DACT2: variants seen among roughly 807,000 people sequenced by gnomAD.
The protein encoded by DACT2 is dapper homolog 2.
A neutral mutation model predicts 22.2 loss-of-function variants in DACT2; 20 were observed. That is an observed-to-expected ratio of 0.90 (90% confidence interval 0.63 to 1.31). The LOEUF (loss-of-function observed/expected upper bound fraction) is 1.31, where lower values mean the gene tolerates loss of function less well. Among genes scored for constraint, DACT2 ranks in the 50% most tolerant of loss-of-function variants. The pLI, the probability that DACT2 is intolerant of heterozygous loss-of-function variation, is 0.00. For missense variants in DACT2, 1,048 were observed against 1,061.4 expected (o/e 0.99, Z 0.18); for synonymous variants, 463 against 479.8 (o/e 0.96, Z 0.46).
downstream of DACT2, among the ~76,000 whole-genome samples, chr6:168,304,862 G>A (rs980389043): frequency 1.3e-5 from 2 of 152,226 alleles, no homozygotes; most frequent in African/African-American, 4.8e-5. Context: ...GAGGCAAGGA[G>A]CCAGGGTGCC....
chr6:168,310,181 C>A lies in DACT2; in HGVS notation c.645G>T (p.Arg215Ser), dbSNP rs1278721893. The change falls in exon 3 of 4, where the codon AGG becomes AGT. Residue 215 changes from arginine to serine, a missense_variant. Arg to Ser is a moderately radical substitution (Grantham distance 110). Transcript: ENST00000366795. Reference protein sequence around the residue: ...AGQPWGTFWPRPVSTGDLDRA... With the variant: ...AGQPWGTFWPSPVSTGDLDRA... ...GCAGTTTCTTACCTGTAGACACAGG[C>A]CTGGGCCAGAATGTGCCCCACGGCT... 6 of 1,550,016 alleles carry A rather than the reference C, an allele frequency of 3.9e-6. No individual in the cohort carries two copies. The highest frequency in any genetic ancestry group is 2.0e-5 in the Admixed American group (1 of 50,962).
In DACT2 at chr6:168,308,483, G is replaced by C. The variant is rs1445765160; in HGVS notation, c.1274C>G (p.Ser425Cys). The change falls in exon 4 of 4, where the codon TCC (serine) becomes TGC (cysteine). Residue 425 changes from serine to cysteine, a missense_variant. Transcript: ENST00000366795. ...GAGGACACAGCTGTTTGAGGGCTTG[G>C]AGCCCTCCTCTGGAAGGCTGCCAGA... ...QQSGSLPEEG[S>C]KPSNSCVLRE... 2 of 1,551,582 alleles carry C rather than the reference G, an allele frequency of 1.3e-6. No homozygotes were observed. Among genetic ancestry groups the C allele is most frequent in the Non-Finnish European group, 1.7e-6 (2 of 1,146,930 alleles).
In DACT2 at chr6:168,308,749, C is replaced by T. The variant is rs1779305924; in HGVS notation, c.1008G>A (p.Arg336=). ...GPARARAYID[R]LLHLWGRETP... Reference sequence around the variant, plus strand: ...TCTCCCGGCCCCACAGATGCAGCAACCTGTCGATATAAGCTCTGGCCCTGG... The same window carrying T: ...TCTCCCGGCCCCACAGATGCAGCAATCTGTCGATATAAGCTCTGGCCCTGG... The change falls in exon 4 of 4, where the codon AGG becomes AGA. Residue 336 remains arginine, a synonymous_variant. Transcript: ENST00000366795. The T allele has an allele frequency of 6.4e-7, 1 of 1,551,364 alleles. No individual in the cohort carries two copies. The highest frequency in any genetic ancestry group is 2.0e-5 in the Admixed American group (1 of 50,992).
At chr6:168,304,472 A>G (rs148352477), downstream of DACT2, among the ~76,000 whole-genome samples, 6 of 152,284 alleles carry the variant, frequency 3.9e-5, no homozygotes, top group Non-Finnish European at 8.8e-5. Context: ...TGGCGTTCTA[A>G]TTGTTAACTG....
Position 168,319,378 on chromosome 6 carries a change from C to A in DACT2, c.246+10G>T. ...CCTCGCAGCCCCGAGTCCCGGCGCC[C>A]GGTCCTTACCAGCTGCTCCTGCAGC... On this transcript the variant is annotated intron_variant, in intron 1 of 3. Transcript: ENST00000366795. 1 of 1,198,380 alleles carries A rather than the reference C, an allele frequency of 8.3e-7. No individual in the cohort carries two copies. The highest frequency in any genetic ancestry group is 1.0e-6 in the Non-Finnish European group (1 of 966,540). 74.2% of individuals were successfully genotyped at this position (1,198,380 alleles called of 1,614,324 possible).
chr6:168,298,718 G>T (rs974460979), intron 3 of DACT2: 4 of 152,224 alleles, frequency 2.6e-5, no homozygotes, highest in Non-Finnish European at 5.9e-5. Flanking sequence ...TGTTCAAAGA[G>T]GCTTCTGCTC....
intron 1 of DACT2, among the ~76,000 whole-genome samples, chr6:168,313,510 G>A (rs73789365): frequency 0.047 from 7,077 of 152,168 alleles, 553 homozygotes; most frequent in African/African-American, 0.16. Flanking sequence ...AGCACCACCC[G>A]CCAAGCCTGA....
chr6:168,302,250 T>C, downstream of DACT2: 1 of 152,284 alleles, frequency 6.6e-6, no homozygotes. Flanking sequence ...ATTACAGCCA[T>C]GCTCTACTTC....
intron 1 of DACT2, among the ~76,000 whole-genome samples, chr6:168,316,002 C>G (rs1779535241): frequency 6.6e-6 from 1 of 152,182 alleles, no homozygotes; most frequent in Non-Finnish European, 1.5e-5. Context: ...TTCAATTATT[C>G]TTCTCTTTTG....
At position 168,306,960 on chromosome 6, in the gene DACT2, T is replaced by A. The variant is rs1214395940; in HGVS notation, c.*472A>T. On this transcript the variant is annotated 3_prime_UTR_variant, in exon 4 of 4. Coordinates refer to ENST00000366795, the MANE Select transcript of DACT2 (RefSeq NM_214462.5). ...TTGAGATCATGGCATAATTTGGGTGTTTGTGTATGCTGACAGCTTAACGTG... is the reference window on the plus strand; with the variant it reads ...TTGAGATCATGGCATAATTTGGGTGATTGTGTATGCTGACAGCTTAACGTG... 5.0e-6 allele frequency: 5 copies of A among 991,520 alleles called. No homozygotes were observed. The highest frequency in any genetic ancestry group is 6.0e-6 in the Non-Finnish European group (5 of 833,652). 61.4% of individuals were successfully genotyped at this position (991,520 alleles called of 1,614,324 possible).
downstream of DACT2, among the ~76,000 whole-genome samples, chr6:168,306,052 C>T (rs1279765769): frequency 6.6e-6 from 1 of 152,220 alleles, no homozygotes; most frequent in Non-Finnish European, 1.5e-5. Flanking sequence ...CTCCCCTCAC[C>T]TACGCTTTGT....
downstream of DACT2, among the ~76,000 whole-genome samples, chr6:168,302,320 A>G (rs989356443): frequency 6.6e-5 from 10 of 151,554 alleles, no homozygotes; most frequent in African/African-American, 2.2e-4. Flanking sequence ...GCTGTCCCCA[A>G]ATGTGTAAGG....
In DACT2 at chr6:168,308,453, T is replaced by C. The variant is rs1035597574; in HGVS notation, c.1304A>G (p.Glu435Gly). The change falls in exon 4 of 4, where the codon GAG becomes GGG. Residue 435 changes from glutamate to glycine, a missense_variant. By Grantham distance (98) the Glu-to-Gly change is moderately conservative. Coordinates refer to ENST00000366795, the MANE Select transcript of DACT2 (RefSeq NM_214462.5). ...SKPSNSCVLRETMVQASPSSK... is the reference protein window; with the variant it reads ...SKPSNSCVLRGTMVQASPSSK... ...GCTGGGAGAAGCCTGCACCATGGTCTCCCTGAGGACACAGCTGTTTGAGGG... is the reference window on the plus strand; with the variant it reads ...GCTGGGAGAAGCCTGCACCATGGTCCCCCTGAGGACACAGCTGTTTGAGGG... The C allele has an allele frequency of 6.4e-6, 10 of 1,551,520 alleles. No homozygotes were observed. In the African/African-American group the frequency reaches 1.4e-4, roughly 21 times the overall value.
Position 168,315,720 on chromosome 6 carries a change from C to T in DACT2, c.246+3668G>A, listed in dbSNP as rs973436933. Among the ~76,000 whole-genome samples, 7 of 152,304 alleles carry T rather than the reference C, an allele frequency of 4.6e-5. No homozygotes were observed. In the East Asian group the frequency reaches 5.8e-4, roughly 13 times the overall value. On this transcript the variant is annotated intron_variant, in intron 1 of 3. Transcript: ENST00000366795. ...TTAAATCCCTGCAAATGGTAACAAT[C>T]GTTCTCACCTGAGAATTCCTGCAGG...
Position 168,307,638 on chromosome 6 carries a change from C to T in DACT2, c.2119G>A (p.Gly707Ser), listed in dbSNP as rs568823591. 15 of 1,547,234 alleles carry T rather than the reference C, an allele frequency of 9.7e-6. No homozygotes were observed. The highest frequency in any genetic ancestry group is 6.0e-5 in the South Asian group (5 of 83,666). The change falls in exon 4 of 4, where the codon GGC (glycine) becomes AGC (serine). Residue 707 changes from glycine to serine, a missense_variant. Physicochemically the swap from Gly to Ser is moderately conservative, Grantham distance 56. Coordinates refer to ENST00000366795, the MANE Select transcript of DACT2 (RefSeq NM_214462.5). The surrounding 1 kb of genome is among the most constrained non-coding windows in gnomAD (Gnocchi z 5.3). ...RESSSSDEEG[G>S]AQSRDCDLAL... ...AGGTCACAGTCCCTGCTCTGGGCGCCGCCCTCCTCGTCGCTGCTGCTGGAC... is the reference window on the plus strand; with the variant it reads ...AGGTCACAGTCCCTGCTCTGGGCGCTGCCCTCCTCGTCGCTGCTGCTGGAC...
chr6:168,311,569 AACACACACACCCATCC>A (rs796644830), intron 1 of DACT2, among the ~76,000 whole-genome samples: 1 of 62,836 alleles, frequency 1.6e-5, no homozygotes. Context: ...CTCACACACA[AACACACACACCCATCC>A]ACACACACAC....
chr6:168,307,910 G>A lies in DACT2; in HGVS notation c.1847C>T (p.Ser616Leu), dbSNP rs1474804744. 1.9e-5 allele frequency: 30 copies of A among 1,543,652 alleles called. No individual in the cohort carries two copies. Among genetic ancestry groups the A allele is most frequent in the Non-Finnish European group, 2.4e-5 (27 of 1,146,752 alleles). ...HRRWQSTVEI[S>L]ARARLASCPE... Reference sequence around the variant, plus strand: ...ACAGCTGGCCAGGCGGGCCCGGGCCGAGATCTCCACGGTGGACTGCCAGCG... The same window carrying A: ...ACAGCTGGCCAGGCGGGCCCGGGCCAAGATCTCCACGGTGGACTGCCAGCG... The change falls in exon 4 of 4, where the codon TCG (serine) becomes TTG (leucine). Residue 616 changes from serine (S) to leucine (L), a missense_variant. By Grantham distance (145) the Ser-to-Leu change is moderately radical. Transcript: ENST00000366795. The surrounding 1 kb of genome is among the most constrained non-coding windows in gnomAD (Gnocchi z 5.3).
intron 1 of DACT2, among the ~76,000 whole-genome samples, chr6:168,318,372 C>T (rs1349894825): frequency 6.6e-6 from 1 of 152,248 alleles, no homozygotes; most frequent in Non-Finnish European, 1.5e-5. Context: ...ACTGGACTTC[C>T]TGATTCTTTA....
chr6:168,310,332 T>A lies in DACT2; in HGVS notation c.494A>T (p.His165Leu). Residue 165 changes from histidine (H) to leucine (L), a missense_variant, in exon 3 of 4, where the codon CAC (histidine) becomes CTC (leucine). His to Leu is a moderately conservative substitution (Grantham distance 99). Transcript: ENST00000366795. Reference protein sequence around the residue: ...LGSLLPVAQAHKARPSMGDWR... With the variant: ...LGSLLPVAQALKARPSMGDWR... ...GTCCCCCATGCTGGGCCTGGCCTTG[T>A]GGGCCTGGGCCACAGGCAACAAACT... is the stretch of plus-strand genomic sequence containing the variant. 1 of 1,551,422 alleles carries A rather than the reference T, an allele frequency of 6.4e-7. No individual in the cohort carries two copies. The highest frequency in any genetic ancestry group is 2.4e-5 in the East Asian group (1 of 40,890).
Sources: allele counts gnomAD v4.1 joint callset (sites outside exome capture counted in the v4.1 genomes callset), GRCh38; gene constraint gnomAD v4.1.1; non-coding constraint Gnocchi (gnomAD v3.1); transcripts MANE v1.5; gene names NCBI Gene and HGNC (gene_info 2026-07-23, HGNC 2026-07-21).